METTL6: variants seen among roughly 807,000 people sequenced by gnomAD.
METTL6 encodes tRNA N(3)-cytidine methyltransferase METTL6.
In METTL6, 22 loss-of-function variants were observed where a neutral mutation model predicts 26.4. The ratio of observed to expected loss-of-function variants is 0.83; its 90% CI spans 0.59 to 1.19. METTL6 has a LOEUF of 1.19. METTL6 is among the 50% of genes most tolerant of loss of function. The pLI, the probability that METTL6 is intolerant of heterozygous loss-of-function variation, is 0.00. For missense variants in METTL6, 304 were observed against 324.8 expected (o/e 0.94, Z 0.49); for synonymous variants, 109 against 116.2 (o/e 0.94, Z 0.40).
At position 15,402,047 on chromosome 3, in the gene METTL6, T is replaced by C. The variant is rs190539577; in HGVS notation, c.*11+9198A>G. The stretch of plus-strand genomic sequence containing the variant: ...AAGAACCCTCTCTTGGGGTCTGGAT[T>C]GGAACCCCTTTCCAGTAACACAATG... On this transcript the variant is annotated intron_variant, in intron 6 of 6. Transcript: ENST00000443029. Among the ~76,000 whole-genome samples, 289 of 152,324 alleles carry C rather than the reference T, an allele frequency of 1.9e-3. 1 individual carries two copies. The highest frequency in any genetic ancestry group is 0.018 in the South Asian group (87 of 4,820).
chr3:15,397,775 G>A (rs74204092), intron 6 of METTL6, among the ~76,000 whole-genome samples: 10,827 of 152,184 alleles, frequency 0.071, 498 homozygotes, highest in African/African-American at 0.12. Context: ...TTCTGCTAAG[G>A]TGTAAACATA....
intron 6 of METTL6, among the ~76,000 whole-genome samples, chr3:15,394,765 C>A (rs1699442733): frequency 6.6e-6 from 1 of 152,174 alleles, no homozygotes; most frequent in Admixed American, 6.5e-5. Context: ...ACCCAGTAGT[C>A]ATTCAGGAGC....
chr3:15,409,990 CAT>C lies in METTL6; in HGVS notation c.*1264_*1265del, dbSNP rs2124958152. Among the ~76,000 whole-genome samples, 2 of 152,270 alleles carry C rather than the reference CAT, an allele frequency of 1.3e-5. No homozygotes were observed. Among genetic ancestry groups the C allele is most frequent in the Admixed American group, 1.3e-4 (2 of 15,288 alleles). ...TTGCCTGGGGGAACACTTACAGTCACATGAGTAATGACAAGAATCTCTTTACG... is the reference window on the plus strand; with the variant it reads ...TTGCCTGGGGGAACACTTACAGTCACGAGTAATGACAAGAATCTCTTTACG... On this transcript the variant is annotated 3_prime_UTR_variant, in exon 6 of 6. Coordinates refer to ENST00000383790, the MANE Select transcript of METTL6 (RefSeq NM_152396.4).
chr3:15,383,048 AG>A (rs1699112824), exon 7 of METTL6: 1 of 152,220 alleles, frequency 6.6e-6, no homozygotes, highest in African/African-American at 2.4e-5. Flanking sequence ...TACGTTTTTG[AG>A]ATCTACTGTA....
In METTL6 at chr3:15,411,234, T is replaced by C. The variant is rs756947940; in HGVS notation, c.*22A>G. 1.3e-6 allele frequency: 2 copies of C among 1,598,746 alleles called. No individual in the cohort carries two copies. The highest frequency in any genetic ancestry group is 1.7e-4 in the Middle Eastern group (1 of 5,930). The stretch of plus-strand genomic sequence containing the variant: ...AAATTTTCCTCTTCAAGGGAAGGTA[T>C]AAATGCCAACCTCATGAAAGGTCAG... On this transcript the variant is annotated 3_prime_UTR_variant, in exon 6 of 6. Coordinates refer to ENST00000383790, the MANE Select transcript of METTL6 (RefSeq NM_152396.4).
At chr3:15,399,725 A>G (rs1699590416) in intron 6 of METTL6, among the ~76,000 whole-genome samples, 1 of 152,146 alleles carries the variant, frequency 6.6e-6, no homozygotes, top group Non-Finnish European at 1.5e-5. Context: ...TGGAGAGTGC[A>G]GCCCAAAAGG....
At chr3:15,406,755 C>T (rs1458887758), downstream of METTL6, among the ~76,000 whole-genome samples, 1 of 149,914 alleles carries the variant, frequency 6.7e-6, no homozygotes, top group Non-Finnish European at 1.5e-5. Flanking sequence ...CCTGCCTCAG[C>T]TTCTCGAGTA....
At chr3:15,402,153 CA>C (rs1699664233) in intron 6 of METTL6, among the ~76,000 whole-genome samples, 1 of 152,130 alleles carries the variant, frequency 6.6e-6, no homozygotes, top group Non-Finnish European at 1.5e-5. Context: ...GCTTGCTGCC[CA>C]GATAGAGCCA....
chr3:15,408,264 G>T (rs996353468), downstream of METTL6, among the ~76,000 whole-genome samples: 6 of 152,232 alleles, frequency 3.9e-5, no homozygotes, highest in South Asian at 2.1e-4. Context: ...TGCTGGACGC[G>T]TCATACAGGT....
intron 1 of METTL6, 84 bp downstream of exon 1, chr3:15,427,318 C>G (rs1036502353): frequency 5.2e-6 from 1 of 192,154 alleles, no homozygotes; most frequent in African/African-American, 2.4e-5. Context: ...CTAGCCGACC[C>G]GCGTTAATTT....
intron 5 of METTL6, among the ~76,000 whole-genome samples, chr3:15,412,179 C>G (rs1310672213): frequency 1.3e-5 from 2 of 152,224 alleles, no homozygotes; most frequent in Non-Finnish European, 2.9e-5. Context: ...CATCAAACAT[C>G]TTATTCATCC....
At chr3:15,384,124 A>G (rs144192661) in exon 7 of METTL6, 99 of 408,728 alleles carry the variant, frequency 2.4e-4, no homozygotes, top group African/African-American at 1.8e-3. Context: ...TGTGGTTCAT[A>G]TAATACAAAA....
At chr3:15,395,491 C>T (rs2124914890) in intron 6 of METTL6, among the ~76,000 whole-genome samples, 1 of 152,120 alleles carries the variant, frequency 6.6e-6, no homozygotes, top group South Asian at 2.1e-4. Flanking sequence ...AACATTTAGT[C>T]CATTTACATT....
At chr3:15,397,433 C>T (rs963057394) in intron 6 of METTL6, among the ~76,000 whole-genome samples, 1 of 152,140 alleles carries the variant, frequency 6.6e-6, no homozygotes, top group Admixed American at 6.5e-5. Context: ...TTGTGCTTCC[C>T]CGGGGAGGCG....
At chr3:15,393,473 T>C (rs1220220930) in intron 6 of METTL6, among the ~76,000 whole-genome samples, 2 of 152,214 alleles carry the variant, frequency 1.3e-5, no homozygotes, top group Non-Finnish European at 2.9e-5. Context: ...CTTTTCATGA[T>C]TGAATACCCT....
At chr3:15,413,626 AG>A in intron 5 of METTL6, 1 of 1,174,524 alleles carries the variant, frequency 8.5e-7, no homozygotes, top group Non-Finnish European at 1.1e-6. Flanking sequence ...CTACAGAAAA[AG>A]GTTTCCTGAC....
intron 6 of METTL6, among the ~76,000 whole-genome samples, chr3:15,398,876 T>TG (rs925602917): frequency 6.6e-6 from 1 of 152,102 alleles, no homozygotes; most frequent in Non-Finnish European, 1.5e-5. Flanking sequence ...CAAGACCTAC[T>TG]GGGCTGCATT....
intron 5 of METTL6, 107 bp from the exon 6 acceptor site, chr3:15,411,544 A>T: frequency 1.8e-6 from 2 of 1,105,112 alleles, no homozygotes; most frequent in Non-Finnish European, 2.5e-6. Flanking sequence ...ATTTTTTTAA[A>T]TGAAAACCTC....
At position 15,427,515 on chromosome 3, in the gene METTL6, G is replaced by A. The variant is rs530408990; in HGVS notation, c.-238C>T. 125 of 523,168 alleles carry A rather than the reference G, an allele frequency of 2.4e-4. 2 individuals are homozygous for A. In the South Asian group the frequency reaches 2.5e-3, roughly 10 times the overall value. The allele number at this position is 523,168 out of a possible 1,614,324, so 32.4% of individuals were successfully genotyped here. ...GATTATCCGGGAGTTCTTTTGCCAT[G>A]GCACCGCCCCCGCCACTTCCGCTAG... On this transcript the variant is annotated 5_prime_UTR_variant, in exon 1 of 6. Coordinates refer to ENST00000383790, the MANE Select transcript of METTL6 (RefSeq NM_152396.4).
Sources: allele counts gnomAD v4.1 joint callset (sites outside exome capture counted in the v4.1 genomes callset), GRCh38; gene constraint gnomAD v4.1.1; transcripts MANE v1.5; gene names NCBI Gene and HGNC (gene_info 2026-07-23, HGNC 2026-07-21).